Variants in PHACTR2 observed in about 807,000 individuals in gnomAD.
PHACTR2 encodes the protein chromosome 6 open reading frame 56.
Under a neutral mutation model 76.0 loss-of-function variants are expected in PHACTR2, and 30 were observed. That is an observed-to-expected ratio of 0.39 (90% confidence interval 0.30 to 0.54). The LOEUF (loss-of-function observed/expected upper bound fraction) is 0.54, where lower values mean the gene tolerates loss of function less well. Among genes scored for constraint, PHACTR2 ranks in the 20% least tolerant of loss-of-function variants. The pLI is 0.61. For synonymous variants in PHACTR2, 292 were observed against 292.5 expected, an observed-to-expected ratio of 1.00 and a Z score of 0.02; for missense variants, 696 against 781.1, an observed-to-expected ratio of 0.89 and a Z score of 1.30.
rs941764769 is a variant in PHACTR2, at chr6:143,570,956, C to T, written c.217+33749C>T. ...ATCAAATGCCCCTGAGACTCGAAGA[C>T]GCAAATTATATTCCTATTTTTCATG... On this transcript the variant is annotated intron_variant, in intron 1 of 11. Coordinates refer to the PHACTR2 transcript ENST00000367584. This position sits in a 1 kb window ranked among gnomAD's most constrained non-coding sequence, Gnocchi z 4.6. 2.0e-4 allele frequency among the ~76,000 whole-genome samples: 30 copies of T among 152,244 alleles called. No homozygotes were observed. The highest frequency in any genetic ancestry group is 4.6e-4 in the Admixed American group (7 of 15,292).
At chr6:143,540,687 A>G (rs1014749124) in intron 1 of PHACTR2, among the ~76,000 whole-genome samples, 2 of 149,280 alleles carry the variant, frequency 1.3e-5, no homozygotes, top group African/African-American at 2.6e-5. Flanking sequence ...TCACATAAGA[A>G]TGCAAGTGCT....
Position 143,623,551 on chromosome 6 carries a change from G to A in PHACTR2, c.13+15229G>A, listed in dbSNP as rs1776198453. Among the ~76,000 whole-genome samples the A allele has an allele frequency of 6.6e-6, 1 of 151,908 alleles. No individual in the cohort carries two copies. Among genetic ancestry groups the A allele is most frequent in the Non-Finnish European group, 1.5e-5 (1 of 68,002 alleles). On this transcript the variant is annotated intron_variant, in intron 1 of 11. Transcript: ENST00000305766. The surrounding 1 kb of genome is among the most constrained non-coding windows in gnomAD (Gnocchi z 5.9). Reference sequence around the variant, plus strand: ...GATCATGCCACTGCACTCCAGCATGGGCAACAGAGTGAGACTCTGACTCGA... The same window carrying A: ...GATCATGCCACTGCACTCCAGCATGAGCAACAGAGTGAGACTCTGACTCGA...
At chr6:143,728,858 C>G (rs1044461613) in intron 2 of PHACTR2, among the ~76,000 whole-genome samples, 8 of 152,048 alleles carry the variant, frequency 5.3e-5, no homozygotes, top group Admixed American at 1.3e-4. Context: ...AAGACTTAAA[C>G]AGAAGACCTA....
rs1775490049 is a variant in PHACTR2 at position 143,783,929 on chromosome 6, A to C, written c.1707+649A>C. ...CCAGCTACTTGGAAGCTGAGGCAGG[A>C]GGATTGCTTGAGCCCAGGAGGTCAA... On this transcript the variant is annotated intron_variant, in intron 10 of 12. Transcript: ENST00000440869. The surrounding 1 kb of genome is among the most constrained non-coding windows in gnomAD (Gnocchi z 5.2). Among the ~76,000 whole-genome samples the C allele has an allele frequency of 6.6e-6, 1 of 152,082 alleles. No homozygotes were observed. The highest frequency in any genetic ancestry group is 2.4e-5 in the African/African-American group (1 of 41,430).
intron 1 of PHACTR2, among the ~76,000 whole-genome samples, chr6:143,612,842 A>AT (rs1217455910): frequency 1.3e-5 from 2 of 152,222 alleles, no homozygotes; most frequent in Non-Finnish European, 2.9e-5. Context: ...AAAGATTATT[A>AT]TTTAACATTT....
rs1776639090 is a variant in PHACTR2 at position 143,830,291 on chromosome 6, T to C, written c.*6602T>C. 1 of 151,898 alleles carries C rather than the reference T, an allele frequency of 6.6e-6. No homozygotes were observed. 9.4% of individuals were successfully genotyped at this position (151,898 alleles called of 1,614,324 possible). A position where few individuals can be genotyped will look rare whatever the true frequency, so the allele number is the denominator to read the frequency against. ...ATTCAAACAAGTTTCTTTTTTTTTT[T>C]TTTTTTTCTGTGTAACAGGGATTTT... On this transcript the variant is annotated 3_prime_UTR_variant, in exon 13 of 13. Coordinates refer to ENST00000440869, the MANE Select transcript of PHACTR2 (RefSeq NM_001100164.2).
intron 2 of PHACTR2, among the ~76,000 whole-genome samples, chr6:143,724,065 C>T (rs9390130): frequency 3.3e-5 from 5 of 151,734 alleles, no homozygotes; most frequent in South Asian, 4.2e-4. Context: ...CAGGTTCAAG[C>T]GATTGTCCTG....
rs1483755816 is a variant in PHACTR2, at chr6:143,794,738, G to GCAGTGC, written c.1845+5828_1845+5829insCAGTGC. On this transcript the variant is annotated intron_variant, in intron 11 of 12. Transcript: ENST00000440869. The surrounding 1 kb of genome is among the most constrained non-coding windows in gnomAD (Gnocchi z 4.1). Reference sequence around the variant, plus strand: ...GAACCCAGGAGACAGAAGTTGCAGTGAGCTAAGATTATGCCGCCGCACTCC... The same window carrying GCAGTGC: ...GAACCCAGGAGACAGAAGTTGCAGTGCAGTGCAGCTAAGATTATGCCGCCGCACTCC... 6.6e-6 allele frequency among the ~76,000 whole-genome samples: 1 copy of GCAGTGC among 152,148 alleles called. No homozygotes were observed. Among genetic ancestry groups the GCAGTGC allele is most frequent in the Non-Finnish European group, 1.5e-5 (1 of 68,016 alleles).
chr6:143,573,135 T>C (rs9390111), intron 1 of PHACTR2, among the ~76,000 whole-genome samples: 93,261 of 152,080 alleles, frequency 0.61, 28,942 homozygotes, highest in Middle Eastern at 0.72. Context: ...GTGATCTTCC[T>C]ACTCAGAACT....
In PHACTR2 at chr6:143,557,200, T is replaced by C. The variant is rs1404283007; in HGVS notation, c.217+19993T>C. ...TGCAAGTAAGTTACTTTAATCATCA[T>C]CATCACTAGTATTGCAGAGAAGTTT... On this transcript the variant is annotated intron_variant, in intron 1 of 11. Coordinates refer to the PHACTR2 transcript ENST00000367584. This position sits in a 1 kb window ranked among gnomAD's most constrained non-coding sequence, Gnocchi z 5.5. Among the ~76,000 whole-genome samples, 1 of 152,240 alleles carries C rather than the reference T, an allele frequency of 6.6e-6. No individual in the cohort carries two copies. The highest frequency in any genetic ancestry group is 1.5e-5 in the Non-Finnish European group (1 of 68,048).
chr6:143,697,180 T>C lies in PHACTR2; in HGVS notation c.47-14836T>C, dbSNP rs1034404175. ...AGTTTTCTATATTGTTCCACTGTTT[T>C]CTAAGAGATTCACATTCTCGTGTGT... is the stretch of plus-strand genomic sequence containing the variant. On this transcript the variant is annotated intron_variant, in intron 1 of 12. Coordinates refer to ENST00000440869, the MANE Select transcript of PHACTR2 (RefSeq NM_001100164.2). This position sits in a 1 kb window ranked among gnomAD's most constrained non-coding sequence, Gnocchi z 4.4. 1.2e-4 allele frequency among the ~76,000 whole-genome samples: 19 copies of C among 152,248 alleles called. 1 individual carries two copies. Among genetic ancestry groups the C allele is most frequent in the African/African-American group, 3.9e-4 (16 of 41,460 alleles).
intron 1 of PHACTR2, among the ~76,000 whole-genome samples, chr6:143,586,841 C>A (rs1582685756): frequency 6.6e-6 from 1 of 152,156 alleles, no homozygotes; most frequent in South Asian, 2.1e-4. Flanking sequence ...TTAACTAGTC[C>A]TCAATCTGGT....
Position 143,663,343 on chromosome 6 carries a change from G to C in PHACTR2, c.14-48673G>C, listed in dbSNP as rs747236593. ...TGCTGAGTGAAGGCTTGCCCTCCCC[G>C]TGGATGAATGAAGTACTGAATATCC... On this transcript the variant is annotated intron_variant, in intron 1 of 11. Transcript: ENST00000305766. This position sits in a 1 kb window ranked among gnomAD's most constrained non-coding sequence, Gnocchi z 4.1. Among the ~76,000 whole-genome samples the C allele has an allele frequency of 6.6e-6, 1 of 152,152 alleles. No homozygotes were observed. Among genetic ancestry groups the C allele is most frequent in the East Asian group, 1.9e-4 (1 of 5,200 alleles).
intron 2 of PHACTR2, among the ~76,000 whole-genome samples, chr6:143,736,936 A>T (rs1047502498): frequency 3.3e-5 from 5 of 151,852 alleles, no homozygotes; most frequent in Admixed American, 1.3e-4. Flanking sequence ...GTGTTTTCAC[A>T]TGTGGAAATA....
rs1254444956 is a variant in PHACTR2, at chr6:143,549,560, G to A, written c.217+12353G>A. On this transcript the variant is annotated intron_variant, in intron 1 of 11. Transcript: ENST00000367584. This position sits in a 1 kb window ranked among gnomAD's most constrained non-coding sequence, Gnocchi z 4.2. Reference sequence around the variant, plus strand: ...TTTGCCCAAGCCCAGGAACCTGCTGGGGGGTACTCAGCAGCTGCTAAGCAG... The same window carrying A: ...TTTGCCCAAGCCCAGGAACCTGCTGAGGGGTACTCAGCAGCTGCTAAGCAG... Among the ~76,000 whole-genome samples, 1 of 151,982 alleles carries A rather than the reference G, an allele frequency of 6.6e-6. No individual in the cohort carries two copies. The highest frequency in any genetic ancestry group is 1.9e-4 in the East Asian group (1 of 5,194).
intron 2 of PHACTR2, among the ~76,000 whole-genome samples, chr6:143,732,301 C>G (rs1471207423): frequency 6.6e-6 from 1 of 152,218 alleles, no homozygotes; most frequent in African/African-American, 2.4e-5. Context: ...CCCCATTTCA[C>G]CAGTCTCCCA....
chr6:143,569,684 A>G (rs370914912), intron 1 of PHACTR2, among the ~76,000 whole-genome samples: 2 of 152,198 alleles, frequency 1.3e-5, no homozygotes, highest in Admixed American at 1.3e-4. Flanking sequence ...TGTTTTTTAA[A>G]TATTTACATG....
Position 143,765,844 on chromosome 6 carries a change from C to T in PHACTR2, c.1232+46C>T, listed in dbSNP as rs1293858939. On this transcript the variant is annotated intron_variant, in intron 6 of 12. Coordinates refer to ENST00000440869, the MANE Select transcript of PHACTR2 (RefSeq NM_001100164.2). The surrounding 1 kb of genome is among the most constrained non-coding windows in gnomAD (Gnocchi z 4.1). ...CCTATTTTATCTGAGAACTAAAGAT[C>T]ACTAATATATTCTGTTGGAAATGAA... 3 of 1,475,212 alleles carry T rather than the reference C, an allele frequency of 2.0e-6. No homozygotes were observed. Among genetic ancestry groups the T allele is most frequent in the Non-Finnish European group, 2.8e-6 (3 of 1,072,488 alleles). 91.4% of individuals were successfully genotyped at this position (1,475,212 alleles called of 1,614,324 possible). A position where few individuals can be genotyped will look rare whatever the true frequency, so the allele number is the denominator to read the frequency against.
rs1245927066 is a variant in PHACTR2, at chr6:143,619,761, C to T, written c.13+11439C>T. On this transcript the variant is annotated intron_variant, in intron 1 of 11. Coordinates refer to the PHACTR2 transcript ENST00000305766. This position sits in a 1 kb window ranked among gnomAD's most constrained non-coding sequence, Gnocchi z 4.5. ...TTAGTAAGGGAAATTTGGCAACCCT[C>T]CATTTTTAAAGCAGCTTGACTTGGG... is the stretch of plus-strand genomic sequence containing the variant. Among the ~76,000 whole-genome samples the T allele has an allele frequency of 6.6e-6, 1 of 152,140 alleles. No individual in the cohort carries two copies.
Sources: gnomAD v4.1 joint callset for allele counts (sites outside exome capture counted in the v4.1 genomes callset) on GRCh38, gnomAD v4.1.1 for gene constraint, Gnocchi (gnomAD v3.1) non-coding constraint, MANE v1.5 for transcripts, NCBI Gene and HGNC (gene_info 2026-07-23, HGNC 2026-07-21) for gene names.